Variants in TRIOBP observed in about 807,000 individuals in gnomAD.
TRIOBP encodes TRIO and F-actin-binding protein.
A neutral mutation model predicts 238.8 loss-of-function variants in TRIOBP; 169 were observed. That is an observed-to-expected ratio of 0.71 (90% confidence interval 0.62 to 0.80). The LOEUF (loss-of-function observed/expected upper bound fraction) is 0.80. Ranked by LOEUF, TRIOBP falls within the 30% of genes least tolerant of loss-of-function variation. TRIOBP has a pLI of 0.00. For missense variants in TRIOBP, 2,838 were observed against 3,122.6 expected (o/e 0.91, Z 2.17); for synonymous variants, 1,150 against 1,274.4 (o/e 0.90, Z 2.08).
At chr22:37,760,567 GTTAAT>G (rs1369841930) in intron 17 of TRIOBP, among the ~76,000 whole-genome samples, 11 of 152,318 alleles carry the variant, frequency 7.2e-5, no homozygotes, top group African/African-American at 1.7e-4. Flanking sequence ...CTTTAACATA[GTTAAT>G]TTAAAGTATA....
rs1168237463 is a variant in TRIOBP at position 37,774,126 on chromosome 22, A to AC, written c.*346_*347insC. The AC allele has an allele frequency of 3.3e-5, 5 of 150,624 alleles. No individual in the cohort carries two copies. Among genetic ancestry groups the AC allele is most frequent in the Non-Finnish European group, 7.4e-5 (5 of 67,618 alleles). 9.3% of individuals were successfully genotyped at this position (150,624 alleles called of 1,614,324 possible). ...TTTTCCAAAACACTTTATACTTTAA[A>AC]AAAAAAAAAAAAAAGCAATTCCTGG... On this transcript the variant is annotated 3_prime_UTR_variant, in exon 24 of 24. Transcript: ENST00000644935.
At chr22:37,728,261 CAAAAAAA>C (rs67412135) in intron 7 of TRIOBP, among the ~76,000 whole-genome samples, 2 of 78,010 alleles carry the variant, frequency 2.6e-5, no homozygotes, top group Non-Finnish European at 4.9e-5. Flanking sequence ...GACTCCGTCT[CAAAAAAA>C]AAAAAAAAAA....
At chr22:37,717,920 A>C (rs1923611833) in intron 6 of TRIOBP, among the ~76,000 whole-genome samples, 1 of 152,212 alleles carries the variant, frequency 6.6e-6, no homozygotes, top group African/African-American at 2.4e-5. Context: ...CTCGGGCTGC[A>C]CAGGAGCCCA....
intron 3 of TRIOBP, among the ~76,000 whole-genome samples, chr22:37,708,004 T>C (rs1923036080): frequency 6.7e-6 from 1 of 149,444 alleles, no homozygotes; most frequent in East Asian, 2.0e-4. Context: ...CCCAGCACTT[T>C]GGGAGGCCGA....
At chr22:37,764,479 T>G (rs1453499336) in intron 17 of TRIOBP, among the ~76,000 whole-genome samples, 1 of 152,244 alleles carries the variant, frequency 6.6e-6, no homozygotes, top group East Asian at 1.9e-4. Context: ...GATCCCATCA[T>G]TTATTCAAGA....
rs144680500 is a variant in TRIOBP at position 37,711,656 on chromosome 22, G to C, written c.254+1090G>C. Among the ~76,000 whole-genome samples, 1,197 of 151,152 alleles carry C rather than the reference G, an allele frequency of 7.9e-3. 13 individuals are homozygous for C. The highest frequency in any genetic ancestry group is 0.027 in the African/African-American group (1,127 of 41,100). On this transcript the variant is annotated intron_variant, in intron 4 of 23. Coordinates refer to ENST00000644935, the MANE Select transcript of TRIOBP (RefSeq NM_001039141.3). The stretch of plus-strand genomic sequence containing the variant: ...CGAAAAAAAAAACAAAGACAGCTTT[G>C]TTATCAAGTATGTTTCAGAAAGTCT...
At chr22:37,759,045 G>A in intron 16 of TRIOBP, 109 bp from the exon 17 acceptor site, 1 of 910,184 alleles carries the variant, frequency 1.1e-6, no homozygotes, top group Middle Eastern at 3.2e-4. Flanking sequence ...GCCTTCCAGG[G>A]ACGCTGGGCT....
Position 37,769,049 on chromosome 22 carries a change from G to C in TRIOBP, c.6597G>C (p.Lys2199Asn), listed in dbSNP as rs781385194. Residue 2199 changes from lysine to asparagine, a missense_variant, in exon 20 of 24, where the codon AAG becomes AAC. This residue lies in a region of TRIOBP where 2,096 missense variants were observed against 2,137.4 expected (regional missense o/e 0.98). Coordinates refer to ENST00000644935, the MANE Select transcript of TRIOBP (RefSeq NM_001039141.3). ...KQHQSDVEAL[K>N]RELQVLSEQY... ...GCAGGTCAGATGTGGAGGCACTGAA[G>C]CGAGAGCTGCAGGTGCTATCGGAGC... 1 of 1,613,492 alleles carries C rather than the reference G, an allele frequency of 6.2e-7. No homozygotes were observed. The highest frequency in any genetic ancestry group is 1.1e-5 in the South Asian group (1 of 91,074).
At position 37,713,216 on chromosome 22, in the gene TRIOBP, A is replaced by G. The variant is rs1320933458; in HGVS notation, c.261A>G (p.Pro87=). 3 of 1,613,194 alleles carry G rather than the reference A, an allele frequency of 1.9e-6. No homozygotes were observed. Among genetic ancestry groups the G allele is most frequent in the East Asian group, 2.2e-5 (1 of 44,866 alleles). The stretch of plus-strand genomic sequence containing the variant: ...GGTCTGTCTCCTCTCCCAGGGGCCC[A>G]TCCCCCTCAGCAGGGCTCCCAGAAG... ...PGLRPGPKRG[P]SPSAGLPEEG... Residue 87 remains proline, a synonymous_variant, in exon 5 of 24, where the codon CCA becomes CCG. Transcript: ENST00000644935.
Position 37,746,228 on chromosome 22 carries a change from A to AAAAG in TRIOBP, c.5322+5199_5322+5200insGAAA, listed in dbSNP as rs1555898837. The AAAAG allele has an allele frequency of 8.2e-6, 9 of 1,094,408 alleles. No individual in the cohort carries two copies. In the African/African-American group the frequency reaches 1.2e-4, roughly 14 times the overall value. The allele number at this position is 1,094,408 out of a possible 1,614,324, so 67.8% of individuals were successfully genotyped here. A position where few individuals can be genotyped will look rare whatever the true frequency, so the allele number is the denominator to read the frequency against. On this transcript the variant is annotated intron_variant, in intron 11 of 23. Transcript: ENST00000644935. ...CCCAGGAAGTTTGAAAAAAAAAAAA[A>AAAAG]AAAAGTTTTATGGGCGGATGGAAGG...
At chr22:37,759,106 G>T in intron 16 of TRIOBP, 48 bp from the exon 17 acceptor site, 1 of 1,511,674 alleles carries the variant, frequency 6.6e-7, no homozygotes, top group Non-Finnish European at 9.0e-7. Context: ...CCTTCCACCA[G>T]CCCTGCCCCA....
At chr22:37,741,217 G>A (rs956911395) in intron 11 of TRIOBP, among the ~76,000 whole-genome samples, 185 bp downstream of exon 11, 1 of 152,212 alleles carries the variant, frequency 6.6e-6, no homozygotes, top group African/African-American at 2.4e-5. Context: ...AAGCGAGTGG[G>A]TTTCCCACTT....
At chr22:37,772,038 T>C in intron 22 of TRIOBP, 1 of 451,750 alleles carries the variant, frequency 2.2e-6, no homozygotes. Context: ...GGAAGACAGA[T>C]GTGAACAAAA....
At chr22:37,708,434 A>G (rs1259838473) in intron 3 of TRIOBP, among the ~76,000 whole-genome samples, 1 of 151,826 alleles carries the variant, frequency 6.6e-6, no homozygotes, top group Non-Finnish European at 1.5e-5. Context: ...ACCTGTAATC[A>G]CAGCTACTGG....
rs768617685 is a variant in TRIOBP at position 37,726,486 on chromosome 22, C to T, written c.3930C>T (p.Leu1310=). Residue 1310 remains leucine, a synonymous_variant, in exon 7 of 24, where the codon CTC becomes CTT. Coordinates refer to ENST00000644935, the MANE Select transcript of TRIOBP (RefSeq NM_001039141.3). ...CTGGCCGTGCAGAGGTGGAGCGCCT[C>T]TTCGGGCAAGAGCGCAGGTGAGCCC... The part of the protein sequence containing the change: ...HSPGRAEVER[L]FGQERRKSEA... The T allele has an allele frequency of 9.8e-6, 15 of 1,530,012 alleles. No individual in the cohort carries two copies. Among genetic ancestry groups the T allele is most frequent in the East Asian group, 2.4e-5 (1 of 41,694 alleles). 94.8% of individuals were successfully genotyped at this position (1,530,012 alleles called of 1,614,324 possible).
At chr22:37,701,151 A>T (rs1922624798) in intron 2 of TRIOBP, among the ~76,000 whole-genome samples, 155 bp from the exon 3 acceptor site, 1 of 152,154 alleles carries the variant, frequency 6.6e-6, no homozygotes, top group Non-Finnish European at 1.5e-5. Flanking sequence ...TGAGTGAATA[A>T]ATGAACAGGA....
Position 37,755,188 on chromosome 22 carries a change from C to G in TRIOBP, c.5575C>G (p.His1859Asp), listed in dbSNP as rs780379130. The G allele has an allele frequency of 7.4e-6, 12 of 1,611,234 alleles. No individual in the cohort carries two copies. Among genetic ancestry groups the G allele is most frequent in the African/African-American group, 1.3e-5 (1 of 74,836 alleles). ...AVQRNYGFQIHTKDAVYTLSA... is the reference protein window; with the variant it reads ...AVQRNYGFQIDTKDAVYTLSA... ...GCAGCGCAACTATGGCTTCCAGATC[C>G]ACGTGAGGCTGTGTGCAGCTTGGGG... Residue 1859 changes from histidine (H) to aspartate (D), a missense_variant and splice_region_variant, in exon 14 of 24, where the codon CAC becomes GAC. Transcript: ENST00000644935.
At chr22:37,766,036 A>C (rs1926478146) in intron 18 of TRIOBP, among the ~76,000 whole-genome samples, 1 of 152,136 alleles carries the variant, frequency 6.6e-6, no homozygotes, top group Non-Finnish European at 1.5e-5. Flanking sequence ...CCCACCCCCA[A>C]CACCACCACT....
At chr22:37,703,376 C>A (rs1333609033) in intron 3 of TRIOBP, among the ~76,000 whole-genome samples, 1 of 152,018 alleles carries the variant, frequency 6.6e-6, no homozygotes, top group Non-Finnish European at 1.5e-5. Flanking sequence ...CTGCCAAGCC[C>A]CCATGCATGT....
Sources: gnomAD v4.1 joint callset for allele counts (sites outside exome capture counted in the v4.1 genomes callset) on GRCh38, gnomAD v4.1.1 for gene constraint, gnomAD v4.1.1 regional missense constraint, MANE v1.5 for transcripts, NCBI Gene and HGNC (gene_info 2026-07-23, HGNC 2026-07-21) for gene names.